The following PTPRA variants were observed in gnomAD, a reference collection of about 807,000 sequenced individuals.
PTPRA encodes receptor-type tyrosine-protein phosphatase alpha.
Under a neutral mutation model 104.8 loss-of-function variants are expected in PTPRA, and 25 were observed. The ratio of observed to expected loss-of-function variants is 0.24; its 90% confidence interval spans 0.17 to 0.33. The LOEUF (loss-of-function observed/expected upper bound fraction) is 0.33. PTPRA is among the 10% of genes least tolerant of loss of function. PTPRA has a pLI of 1.00. For synonymous variants in PTPRA, 323 were observed against 368.9 expected, an observed-to-expected ratio of 0.88 and a Z score of 1.43; for missense variants, 765 against 1,015.3, an observed-to-expected ratio of 0.75 and a Z score of 3.35.
chr20:3,020,020 A>T (rs2064771291), intron 13 of PTPRA, among the ~76,000 whole-genome samples: 1 of 150,542 alleles, frequency 6.6e-6, no homozygotes. Context: ...CCGAGATGGC[A>T]GCAGTACCGT....
In PTPRA at chr20:2,988,449, A is replaced by G. The variant is rs766597003; in HGVS notation, c.713A>G (p.Asn238Ser). The change falls in exon 9 of 24, where the codon AAT (asparagine) becomes AGT (serine). Residue 238 changes from asparagine to serine, a missense_variant. Physicochemically the swap from Asn to Ser is conservative, Grantham distance 46. This residue lies in a region of PTPRA where 245 missense variants were observed against 398.7 expected (regional missense o/e 0.61). Transcript: ENST00000399903. ...ATTAACCGGAGAATGGCAGACGACA[A>G]TAAGCTCTTCAGGGAGGAATTCAAC... ...EEINRRMADD[N>S]KLFREEFNAL... is the part of the protein sequence containing the mutation. 2 of 1,613,284 alleles carry G rather than the reference A, an allele frequency of 1.2e-6. No individual in the cohort carries two copies. Among genetic ancestry groups the G allele is most frequent in the South Asian group, 1.1e-5 (1 of 90,956 alleles).
chr20:3,006,949 C>T (rs2063902961), intron 10 of PTPRA, among the ~76,000 whole-genome samples: 1 of 151,936 alleles, frequency 6.6e-6, no homozygotes, highest in Non-Finnish European at 1.5e-5. Context: ...TATTTATGTG[C>T]ACATGTTGGA....
intron 6 of PTPRA, among the ~76,000 whole-genome samples, chr20:2,982,395 G>T (rs921847814): frequency 6.6e-6 from 1 of 151,996 alleles, no homozygotes; most frequent in Non-Finnish European, 1.5e-5. Flanking sequence ...CTGATATACT[G>T]CCCCCTGTTG....
chr20:2,961,952 G>A (rs769814525), intron 3 of PTPRA, among the ~76,000 whole-genome samples: 8 of 152,126 alleles, frequency 5.3e-5, no homozygotes, highest in Non-Finnish European at 1.2e-4. Flanking sequence ...CCGTTCCATT[G>A]ATCTGTTTGC....
intron 9 of PTPRA, among the ~76,000 whole-genome samples, chr20:3,002,552 C>T (rs550014411): frequency 1.3e-5 from 2 of 152,206 alleles, no homozygotes; most frequent in East Asian, 3.9e-4. Context: ...GTCTCGAACA[C>T]CAGACCTCAA....
intron 1 of PTPRA, among the ~76,000 whole-genome samples, chr20:2,905,814 A>G (rs987490481): frequency 2.0e-5 from 3 of 149,120 alleles, no homozygotes; most frequent in Admixed American, 6.8e-5. Flanking sequence ...CCTGCCGAAT[A>G]GCTGGGATTA....
intron 1 of PTPRA, among the ~76,000 whole-genome samples, chr20:2,896,169 G>A (rs1458988858): frequency 6.6e-6 from 1 of 152,112 alleles, no homozygotes; most frequent in Non-Finnish European, 1.5e-5. Flanking sequence ...GAGGTCATGA[G>A]TTCAAGACCA....
chr20:3,011,757 A>G (rs2064179785), intron 11 of PTPRA, among the ~76,000 whole-genome samples: 3 of 152,184 alleles, frequency 2.0e-5, no homozygotes, highest in South Asian at 4.1e-4. Flanking sequence ...TTTTAAGCAG[A>G]AAGGGGTTTA....
At chr20:2,965,340 A>G in intron 5 of PTPRA, 138 bp downstream of exon 5, 1 of 862,084 alleles carries the variant, frequency 1.2e-6, no homozygotes, top group South Asian at 1.9e-5. Context: ...CTGTATGTGG[A>G]ATTTTTGGGT....
At chr20:3,024,434 G>T in intron 16 of PTPRA, 38 bp from the exon 17 acceptor site, 2 of 1,594,614 alleles carry the variant, frequency 1.3e-6, no homozygotes. Context: ...GAACTATGTT[G>T]TATGTAACCA....
At chr20:2,975,416 G>A (rs2062391646) in intron 6 of PTPRA, among the ~76,000 whole-genome samples, 175 bp downstream of exon 6, 1 of 152,142 alleles carries the variant, frequency 6.6e-6, no homozygotes, top group Non-Finnish European at 1.5e-5. Context: ...AACAAGTACT[G>A]TATTCAGTAT....
chr20:3,003,700 ATTTTTTTTTTT>A (rs59358849), intron 9 of PTPRA, among the ~76,000 whole-genome samples: 6 of 105,560 alleles, frequency 5.7e-5, no homozygotes, highest in Admixed American at 1.9e-4. Flanking sequence ...ATACCTGGCT[ATTTTTTTTTTT>A]TTTTTTTTTT....
chr20:2,979,390 A>G (rs986148193), intron 6 of PTPRA, among the ~76,000 whole-genome samples: 7 of 152,140 alleles, frequency 4.6e-5, no homozygotes, highest in African/African-American at 1.7e-4. Flanking sequence ...TCCTGGACCT[A>G]TCCAGTTCCT....
rs769821782 is a variant in PTPRA at position 2,934,080 on chromosome 20, C to T, written c.-50+10795C>T. On this transcript the variant is annotated intron_variant, in intron 2 of 23. Transcript: ENST00000399903. ...ACCTAATTTTTGCTGAGTAGTTCAG[C>T]AGTTTCTAGTACTGTTTACTAAATA... Among the ~76,000 whole-genome samples, 4 of 152,048 alleles carry T rather than the reference C, an allele frequency of 2.6e-5. 1 individual carries two copies.
chr20:2,865,868 G>A, the PTPRA span: 1 of 462,924 alleles, frequency 2.2e-6, no homozygotes, highest in Middle Eastern at 6.1e-4. The surrounding 1 kb of genome is among the most constrained non-coding windows in gnomAD (Gnocchi z 5.2). Flanking sequence ...GTAGTTCAGA[G>A]GTGTATAGGG....
At chr20:2,864,465 G>A in the PTPRA span, 3 of 1,614,070 alleles carry the variant, frequency 1.9e-6, no homozygotes, top group South Asian at 1.1e-5. The surrounding 1 kb of genome is among the most constrained non-coding windows in gnomAD (Gnocchi z 5.2). Context: ...ACCGACAGGT[G>A]TGTGTAGTGG....
chr20:2,865,388 C>T, the PTPRA span: 1 of 1,614,034 alleles, frequency 6.2e-7, no homozygotes, highest in Non-Finnish European at 8.5e-7. The surrounding 1 kb of genome is among the most constrained non-coding windows in gnomAD (Gnocchi z 5.2). Context: ...CCAAGCCCAG[C>T]TTTCCTGCAG....
chr20:3,032,542 C>A lies in PTPRA; in HGVS notation c.1921-3043C>A, dbSNP rs531042358. ...CAGCACTTTGGGAGGCCAAGGTGGGCGGATCACAAAGTCAGGAGATCGAGA... is the reference window on the plus strand; with the variant it reads ...CAGCACTTTGGGAGGCCAAGGTGGGAGGATCACAAAGTCAGGAGATCGAGA... On this transcript the variant is annotated intron_variant, in intron 20 of 23. Transcript: ENST00000399903. 2.6e-5 allele frequency among the ~76,000 whole-genome samples: 4 copies of A among 151,738 alleles called. No individual in the cohort carries two copies. The South Asian group carries it at 6.2e-4, about 24-fold the overall frequency.
intron 1 of PTPRA, among the ~76,000 whole-genome samples, chr20:2,891,311 C>A (rs545078165): frequency 6.6e-6 from 1 of 152,202 alleles, no homozygotes; most frequent in African/African-American, 2.4e-5. Context: ...AACTTCCCAA[C>A]TTTAGATTCT....
Sources: allele counts gnomAD v4.1 joint callset (sites outside exome capture counted in the v4.1 genomes callset), GRCh38; gene constraint gnomAD v4.1.1; regional missense constraint gnomAD v4.1.1; non-coding constraint Gnocchi (gnomAD v3.1); transcripts MANE v1.5; gene names NCBI Gene and HGNC (gene_info 2026-07-23, HGNC 2026-07-21).